Variants in BCKDHB observed in about 807,000 individuals in gnomAD.
BCKDHB encodes branched chain keto acid dehydrogenase E1 subunit beta.
In BCKDHB, 41 loss-of-function variants were observed where a neutral mutation model predicts 48.5. That is an observed-to-expected ratio of 0.85 (90% CI 0.66 to 1.10). The LOEUF (loss-of-function observed/expected upper bound fraction) is 1.10, where lower values mean the gene tolerates loss of function less well. Among genes scored for constraint, BCKDHB ranks in the 50% least tolerant of loss-of-function variants. The pLI is 0.00. For synonymous variants in BCKDHB, 201 were observed against 174.8 expected (o/e 1.15, Z -1.18); for missense variants, 496 against 494.2 (o/e 1.00, Z -0.03).
the BCKDHB span, among the ~76,000 whole-genome samples, chr6:80,433,038 C>T: frequency 4.6e-5 from 7 of 152,134 alleles, no homozygotes; most frequent in Non-Finnish European, 8.8e-5. Context: ...CTGGAAGCTT[C>T]GTCTCAGAGG....
chr6:80,233,744 C>T (rs527800519), intron 8 of BCKDHB, among the ~76,000 whole-genome samples: 11 of 152,270 alleles, frequency 7.2e-5, no homozygotes, highest in East Asian at 5.8e-4. Context: ...TACTCTTTCA[C>T]GATCATCTAC....
the BCKDHB span, among the ~76,000 whole-genome samples, chr6:80,427,981 T>C: frequency 2.0e-5 from 3 of 152,000 alleles, no homozygotes; most frequent in African/African-American, 4.8e-5. Flanking sequence ...TGCTGCACCG[T>C]CACCTACATT....
At chr6:80,147,292 T>G (rs1771535365) in intron 3 of BCKDHB, among the ~76,000 whole-genome samples, 1 of 152,138 alleles carries the variant, frequency 6.6e-6, no homozygotes, top group African/African-American at 2.4e-5. Flanking sequence ...GTGATTAAGT[T>G]TGAAGAAACT....
chr6:80,145,659 C>G (rs538301051), intron 3 of BCKDHB, among the ~76,000 whole-genome samples: 1 of 152,116 alleles, frequency 6.6e-6, no homozygotes, highest in East Asian at 1.9e-4. Flanking sequence ...GTTCCACTGA[C>G]ACATGTGATG....
intron 3 of BCKDHB, among the ~76,000 whole-genome samples, chr6:80,134,432 C>T (rs1030228399): frequency 6.6e-5 from 10 of 152,082 alleles, no homozygotes; most frequent in Admixed American, 6.6e-4. Context: ...GACAGGCATG[C>T]GGTGAAGGCA....
intron 9 of BCKDHB, among the ~76,000 whole-genome samples, chr6:80,274,357 T>C (rs1337914588): frequency 6.6e-6 from 1 of 151,994 alleles, no homozygotes; most frequent in Non-Finnish European, 1.5e-5. Context: ...TGTAGATTTA[T>C]TGTTTTCCTA....
chr6:80,140,131 T>G (rs1024902347), intron 3 of BCKDHB, among the ~76,000 whole-genome samples: 44 of 152,316 alleles, frequency 2.9e-4, no homozygotes, highest in Admixed American at 4.6e-4. Flanking sequence ...ATAAGAATGC[T>G]TGTGATTTTT....
intron 3 of BCKDHB, among the ~76,000 whole-genome samples, chr6:80,154,745 A>G (rs541805790): frequency 6.6e-6 from 1 of 152,300 alleles, no homozygotes; most frequent in East Asian, 1.9e-4. Flanking sequence ...AATTTTTTTG[A>G]TAACTATGAT....
chr6:80,179,066 A>G (rs1448128887), intron 6 of BCKDHB, among the ~76,000 whole-genome samples: 2 of 152,122 alleles, frequency 1.3e-5, no homozygotes, highest in East Asian at 3.9e-4. Context: ...TCTGTTACCC[A>G]GGATGGAGTG....
At chr6:80,233,713 G>T (rs1213961223) in intron 8 of BCKDHB, among the ~76,000 whole-genome samples, 1 of 152,140 alleles carries the variant, frequency 6.6e-6, no homozygotes, top group African/African-American at 2.4e-5. Flanking sequence ...CTACTGTAGG[G>T]ACTCAATTTG....
intron 3 of BCKDHB, among the ~76,000 whole-genome samples, chr6:80,157,522 A>G (rs1401942067): frequency 2.1e-5 from 3 of 142,340 alleles, no homozygotes; most frequent in Admixed American, 8.0e-5. Flanking sequence ...CTGGAATGCA[A>G]TGGCACGATC....
intron 8 of BCKDHB, among the ~76,000 whole-genome samples, chr6:80,220,780 G>T (rs1322960182): frequency 6.8e-6 from 1 of 146,862 alleles, no homozygotes; most frequent in African/African-American, 2.5e-5. Context: ...TGTCACTCAG[G>T]CTGGAGTGCA....
chr6:80,194,988 C>T (rs1453937312), intron 6 of BCKDHB, among the ~76,000 whole-genome samples: 4 of 152,104 alleles, frequency 2.6e-5, no homozygotes, highest in Non-Finnish European at 5.9e-5. Flanking sequence ...CTGGTTTATT[C>T]CCTTGGGACA....
the BCKDHB span, among the ~76,000 whole-genome samples, chr6:80,440,361 A>G: frequency 0.88 from 134,607 of 152,210 alleles, 59,870 homozygotes; most frequent in East Asian, 0.95. Flanking sequence ...TTCCTTAAGC[A>G]CAGTCATAAA....
downstream of BCKDHB, among the ~76,000 whole-genome samples, chr6:80,351,019 C>T (rs995201647): frequency 1.3e-5 from 2 of 152,112 alleles, no homozygotes; most frequent in African/African-American, 2.4e-5. Context: ...ATACTTTGTA[C>T]CTGAGAAACA....
the BCKDHB span, among the ~76,000 whole-genome samples, chr6:80,410,628 AGG>A: frequency 6.6e-6 from 1 of 152,156 alleles, no homozygotes; most frequent in Admixed American, 6.5e-5. Flanking sequence ...TATTTCTTGG[AGG>A]CTTTGTTCAT....
At chr6:80,287,987 G>A (rs954089095) in intron 9 of BCKDHB, among the ~76,000 whole-genome samples, 3 of 152,120 alleles carry the variant, frequency 2.0e-5, no homozygotes, top group African/African-American at 7.2e-5. Context: ...CTTAGTTAGT[G>A]ACAAACTACT....
At chr6:80,231,914 G>C (rs1042928443) in intron 8 of BCKDHB, among the ~76,000 whole-genome samples, 1 of 152,208 alleles carries the variant, frequency 6.6e-6, no homozygotes, top group Non-Finnish European at 1.5e-5. Context: ...GCAATGAGCC[G>C]AGATTGCGCC....
intron 9 of BCKDHB, among the ~76,000 whole-genome samples, chr6:80,317,370 A>G (rs900371448): frequency 6.6e-6 from 1 of 152,190 alleles, no homozygotes; most frequent in Non-Finnish European, 1.5e-5. Context: ...TCCTTTCTGG[A>G]GAATTCTCTA....
Sources: allele counts gnomAD v4.1 joint callset (sites outside exome capture counted in the v4.1 genomes callset), GRCh38; gene constraint gnomAD v4.1.1; transcripts MANE v1.5; gene names NCBI Gene and HGNC (gene_info 2026-07-23, HGNC 2026-07-21).